RABGAP1L: variants seen among roughly 807,000 people sequenced by gnomAD.
The protein encoded by RABGAP1L is rab GTPase-activating protein 1-like.
A neutral mutation model predicts 137.7 loss-of-function variants in RABGAP1L; 63 were observed. The ratio of observed to expected loss-of-function variants is 0.46; its 90% confidence interval spans 0.37 to 0.56. The LOEUF (loss-of-function observed/expected upper bound fraction) is 0.56. RABGAP1L is among the 20% of genes least tolerant of loss of function. The pLI is 0.00. For missense variants in RABGAP1L, 1,095 were observed against 1,244.0 expected (o/e 0.88, Z 1.80); for synonymous variants, 431 against 433.7 (o/e 0.99, Z 0.08).
chr1:174,953,586 C>T (rs1353661612), intron 19 of RABGAP1L, among the ~76,000 whole-genome samples: 1 of 152,246 alleles, frequency 6.6e-6, no homozygotes, highest in African/African-American at 2.4e-5. Context: ...AAAGCTTCTC[C>T]AGTGATTTAG....
At chr1:174,371,263 TC>T (rs766704996) in intron 12 of RABGAP1L, among the ~76,000 whole-genome samples, 191 bp downstream of exon 12, 4 of 151,994 alleles carry the variant, frequency 2.6e-5, no homozygotes, top group Non-Finnish European at 4.4e-5. Context: ...GGCTAGGTCT[TC>T]CCCCCAAGTA....
chr1:174,183,132 T>C (rs551441564), intron 1 of RABGAP1L, among the ~76,000 whole-genome samples: 1 of 152,348 alleles, frequency 6.6e-6, no homozygotes, highest in South Asian at 2.1e-4. Flanking sequence ...TTATATACCT[T>C]GAAAAGTTGA....
At chr1:174,507,302 A>G (rs1380322475) in intron 13 of RABGAP1L, among the ~76,000 whole-genome samples, 1 of 152,214 alleles carries the variant, frequency 6.6e-6, no homozygotes, top group Non-Finnish European at 1.5e-5. Context: ...TAGAAAATTA[A>G]GAAAAGGTAG....
intron 13 of RABGAP1L, among the ~76,000 whole-genome samples, chr1:174,414,170 A>G (rs1188868908): frequency 2.0e-5 from 3 of 151,888 alleles, no homozygotes; most frequent in Non-Finnish European, 2.9e-5. Flanking sequence ...TTTTTTCTTA[A>G]TTTTTTTGAT....
rs148703792 is a variant in RABGAP1L, at chr1:174,859,111, G to A, written c.2340+47151G>A. On this transcript the variant is annotated intron_variant, in intron 19 of 25. Coordinates refer to ENST00000681986, the MANE Select transcript of RABGAP1L (RefSeq NM_001366446.1). ...TTCTGTTATAAAGACACATGCATGC[G>A]TATATTCATTGCAACACTATTCACA... Among the ~76,000 whole-genome samples, 332 of 152,228 alleles carry A rather than the reference G, an allele frequency of 2.2e-3. 4 individuals carry two copies. The highest frequency in any genetic ancestry group is 7.6e-3 in the African/African-American group (314 of 41,538).
At position 174,637,419 on chromosome 1, in the gene RABGAP1L, A is replaced by G. The variant is rs1478293198; in HGVS notation, c.1755A>G (p.Thr585=). ...ESVITRDIHR[T]FPAHDYFKDT... ...TTATTACTCGAGATATTCATCGTAC[A>G]TTTCCCGCACATGATTACTTTAAAG... The change falls in exon 14 of 26, where the codon ACA becomes ACG. Residue 585 remains threonine, a synonymous_variant. Coordinates refer to ENST00000681986, the MANE Select transcript of RABGAP1L (RefSeq NM_001366446.1). The G allele has an allele frequency of 1.2e-6, 2 of 1,613,340 alleles. No individual in the cohort carries two copies. Among genetic ancestry groups the G allele is most frequent in the Admixed American group, 3.3e-5 (2 of 59,994 alleles).
chr1:174,581,902 T>A (rs1259500942), intron 13 of RABGAP1L, among the ~76,000 whole-genome samples: 1 of 152,140 alleles, frequency 6.6e-6, no homozygotes, highest in Non-Finnish European at 1.5e-5. Context: ...ATATGGTAAT[T>A]CCTAGATTTC....
At chr1:174,650,753 C>G (rs1270142201) in intron 14 of RABGAP1L, among the ~76,000 whole-genome samples, 108 of 149,866 alleles carry the variant, frequency 7.2e-4, no homozygotes, top group African/African-American at 2.4e-3. Context: ...TGCTAGCGGT[C>G]TATCAATTTT....
At chr1:174,682,453 G>C (rs1007754831) in intron 14 of RABGAP1L, among the ~76,000 whole-genome samples, 1 of 124,202 alleles carries the variant, frequency 8.1e-6, no homozygotes, top group African/African-American at 4.2e-5. Flanking sequence ...ATTTTAAAAA[G>C]TTGTTTAAAA....
chr1:174,611,319 T>C (rs1172788819), intron 13 of RABGAP1L, among the ~76,000 whole-genome samples: 2 of 152,052 alleles, frequency 1.3e-5, no homozygotes, highest in Non-Finnish European at 2.9e-5. Flanking sequence ...GGGAATCCTT[T>C]CCCCATTGCT....
intron 13 of RABGAP1L, among the ~76,000 whole-genome samples, chr1:174,571,721 C>CTA (rs1667990793): frequency 1.3e-5 from 2 of 152,094 alleles, no homozygotes; most frequent in Non-Finnish European, 2.9e-5. Context: ...GCTTCTTATA[C>CTA]AGTCTGAATT....
chr1:174,538,530 G>A (rs971101618), intron 13 of RABGAP1L, among the ~76,000 whole-genome samples: 12 of 152,108 alleles, frequency 7.9e-5, no homozygotes, highest in Non-Finnish European at 1.5e-4. Flanking sequence ...ATCTAGGGAC[G>A]TTTGTATACT....
At chr1:174,563,316 A>T (rs1171687359) in intron 13 of RABGAP1L, among the ~76,000 whole-genome samples, 1 of 152,184 alleles carries the variant, frequency 6.6e-6, no homozygotes, top group Non-Finnish European at 1.5e-5. Flanking sequence ...TGTTAATTAG[A>T]TATGAAATTA....
In RABGAP1L at chr1:174,219,105, A is replaced by C; in HGVS notation, c.-33-20A>C. On this transcript the variant is annotated intron_variant, in intron 1 of 25. Coordinates refer to ENST00000681986, the MANE Select transcript of RABGAP1L (RefSeq NM_001366446.1). ...TTTTAATCAGTAGGTTTTTTTTTTT[A>C]ATCCCTTTTGTTTTTCCAGGTGGTT... 6.8e-7 allele frequency: 1 copy of C among 1,476,836 alleles called. No homozygotes were observed. The highest frequency in any genetic ancestry group is 9.1e-7 in the Non-Finnish European group (1 of 1,094,670). The allele number at this position is 1,476,836 out of a possible 1,614,324, so 91.5% of individuals were successfully genotyped here. A position where few individuals can be genotyped will look rare whatever the true frequency, so the allele number is the denominator to read the frequency against.
rs1187444835 is a variant in RABGAP1L, at chr1:174,995,207, A to G, written c.*5206A>G. On this transcript the variant is annotated 3_prime_UTR_variant, in exon 26 of 26. Transcript: ENST00000681986. ...GTGAAATAAACAAATGCAACTGAGA[A>G]GGTAACAAGGTGACTGTTTTTGTGA... 2 of 152,236 alleles carry G rather than the reference A, an allele frequency of 1.3e-5. No individual in the cohort carries two copies. Among genetic ancestry groups the G allele is most frequent in the Admixed American group, 1.3e-4 (2 of 15,284 alleles). The allele number at this position is 152,236 out of a possible 1,614,324, so 9.4% of individuals were successfully genotyped here.
intron 19 of RABGAP1L, among the ~76,000 whole-genome samples, chr1:174,911,516 T>A (rs964118884): frequency 6.6e-6 from 1 of 152,254 alleles, no homozygotes; most frequent in Non-Finnish European, 1.5e-5. Flanking sequence ...AATCTGAGAA[T>A]GTGCTTAGGA....
intron 1 of RABGAP1L, among the ~76,000 whole-genome samples, chr1:174,202,004 T>C (rs1451190336): frequency 6.6e-6 from 1 of 152,142 alleles, no homozygotes; most frequent in Non-Finnish European, 1.5e-5. Flanking sequence ...TGGCTGCTAG[T>C]ATTCCATGGT....
intron 19 of RABGAP1L, among the ~76,000 whole-genome samples, chr1:174,891,518 T>A (rs1461595118): frequency 6.6e-6 from 1 of 152,164 alleles, no homozygotes; most frequent in Non-Finnish European, 1.5e-5. Flanking sequence ...GTTTGTTTAT[T>A]TGGAGACAGG....
chr1:174,719,230 T>G (rs893695030), intron 17 of RABGAP1L, among the ~76,000 whole-genome samples: 10 of 152,190 alleles, frequency 6.6e-5, no homozygotes, highest in Non-Finnish European at 1.3e-4. Flanking sequence ...TTTATCTATT[T>G]TTCTCCAAGA....
Sources: gnomAD v4.1 joint callset for allele counts (sites outside exome capture counted in the v4.1 genomes callset) on GRCh38, gnomAD v4.1.1 for gene constraint, MANE v1.5 for transcripts, NCBI Gene and HGNC (gene_info 2026-07-23, HGNC 2026-07-21) for gene names.